QRICH2: variants seen among roughly 807,000 people sequenced by gnomAD.
QRICH2 encodes glutamine rich 2.
Under a neutral mutation model 168.3 loss-of-function variants are expected in QRICH2, and 119 were observed. That is an observed-to-expected ratio of 0.71 (90% confidence interval 0.61 to 0.82). The LOEUF is 0.82. Ranked by LOEUF, QRICH2 falls within the 40% of genes least tolerant of loss-of-function variation. The pLI is 0.00. For missense variants in QRICH2, 2,241 were observed against 2,491.6 expected (o/e 0.90, Z 2.14); for synonymous variants, 894 against 951.2 (o/e 0.94, Z 1.11).
Position 76,280,715 on chromosome 17 carries a change from C to G in QRICH2, c.4400G>C (p.Gly1467Ala), listed in dbSNP as rs1233527354. 1.2e-6 allele frequency: 2 copies of G among 1,614,054 alleles called. No homozygotes were observed. The highest frequency in any genetic ancestry group is 1.7e-6 in the Non-Finnish European group (2 of 1,180,036). Residue 1467 changes from glycine (G) to alanine (A), a missense_variant, in exon 10 of 19, where the codon GGT (glycine) becomes GCT (alanine). Around this residue, in one of 3 missense-constraint regions of QRICH2, gnomAD observed 2,047 missense variants for 2,303.8 expected, o/e 0.89. Coordinates refer to ENST00000680821, the MANE Select transcript of QRICH2 (RefSeq NM_001388453.1). The surrounding 1 kb of genome is among the most constrained non-coding windows in gnomAD (Gnocchi z 7.4). ...KQKDIAMLYQ[G>A]LEKLEKEKAN... ...CTTTTCCTTTTCGAGCTTCTCCAGA[C>G]CCTGGTACAGCATCTGGGGAGGCCA...
rs202230652 is a variant in QRICH2, at chr17:76,291,177, G to A, written c.3550C>T (p.Arg1184Cys). ...GTGGGGAAACTAGAACTCATTCTACGCAGTGAATTGCGTCGCTCACTCAGG... is the reference window on the plus strand; with the variant it reads ...GTGGGGAAACTAGAACTCATTCTACACAGTGAATTGCGTCGCTCACTCAGG... ...EVLSERRNSL[R>C]RMSSSFPTAV... The change falls in exon 4 of 19, where the codon CGT becomes TGT. Residue 1184 changes from arginine (R) to cysteine (C), a missense_variant. Arg to Cys is a radical substitution (Grantham distance 180). This residue lies in a region of QRICH2 where 2,047 missense variants were observed against 2,303.8 expected (regional missense o/e 0.89). Transcript: ENST00000680821. 3.1e-6 allele frequency: 5 copies of A among 1,614,008 alleles called. No individual in the cohort carries two copies. Among genetic ancestry groups the A allele is most frequent in the Admixed American group, 3.3e-5 (2 of 59,998 alleles).
rs1431013052 is a variant in QRICH2 at position 76,274,316 on chromosome 17, C to T, written c.5483-56G>A. The T allele has an allele frequency of 3.5e-5, 53 of 1,529,110 alleles. No individual in the cohort carries two copies. In the Admixed American group the frequency reaches 1.2e-3, roughly 34 times the overall value. The allele number at this position is 1,529,110 out of a possible 1,614,324, so 94.7% of individuals were successfully genotyped here. A position where few individuals can be genotyped will look rare whatever the true frequency, so the allele number is the denominator to read the frequency against. On this transcript the variant is annotated intron_variant, in intron 18 of 18. Transcript: ENST00000680821. ...CACATTCCCCAAGCCCACCAGGGGT[C>T]ACCCCAGCCTGCCCAATGCCCAGGG...
At chr17:76,306,743 C>T (rs1238973202) in intron 1 of QRICH2, among the ~76,000 whole-genome samples, 1 of 152,080 alleles carries the variant, frequency 6.6e-6, no homozygotes, top group Non-Finnish European at 1.5e-5. Flanking sequence ...AAATATTAGC[C>T]AGGCGGGGTG....
chr17:76,308,000 G>T lies in QRICH2; in HGVS notation c.-2C>A. ...GGAGACCGTGGTCGCGGGCGGCATC[G>T]TGGCTGTCAGGAGCTGTGCGCCGCC... is the stretch of plus-strand genomic sequence containing the variant. On this transcript the variant is annotated 5_prime_UTR_variant, in exon 1 of 19. Coordinates refer to ENST00000680821, the MANE Select transcript of QRICH2 (RefSeq NM_001388453.1). The surrounding 1 kb of genome is among the most constrained non-coding windows in gnomAD (Gnocchi z 5.3). The T allele has an allele frequency of 8.1e-7, 1 of 1,233,196 alleles. No homozygotes were observed. The highest frequency in any genetic ancestry group is 1.0e-6 in the Non-Finnish European group (1 of 988,504). The allele number at this position is 1,233,196 out of a possible 1,614,324, so 76.4% of individuals were successfully genotyped here.
At chr17:76,279,896 T>C in intron 12 of QRICH2, 137 bp downstream of exon 12, 1 of 1,049,392 alleles carries the variant, frequency 9.5e-7, no homozygotes, top group Non-Finnish European at 1.3e-6. Flanking sequence ...TAAAATTCTG[T>C]CCCTCCAACC....
At chr17:76,283,010 G>C (rs1398849307) in intron 7 of QRICH2, among the ~76,000 whole-genome samples, 4 of 152,198 alleles carry the variant, frequency 2.6e-5, no homozygotes, top group African/African-American at 9.7e-5. Context: ...GATGCAGAGG[G>C]ACAGGTGGGG....
Position 76,278,193 on chromosome 17 carries a change from C to T in QRICH2, c.4917-4G>A. On this transcript the variant is annotated splice_polypyrimidine_tract_variant and splice_region_variant and intron_variant, in intron 14 of 18. Coordinates refer to ENST00000680821, the MANE Select transcript of QRICH2 (RefSeq NM_001388453.1). ...GAAGGCGCTGCCCAGCTTGAGGCTG[C>T]AGGGTGTGAGCAGAACAGAGGGAGG... The T allele has an allele frequency of 6.2e-7, 1 of 1,603,722 alleles. No individual in the cohort carries two copies. The highest frequency in any genetic ancestry group is 1.1e-5 in the South Asian group (1 of 91,042).
In QRICH2 at chr17:76,292,859, G is replaced by A; in HGVS notation, c.1868C>T (p.Pro623Leu). 2 of 1,603,320 alleles carry A rather than the reference G, an allele frequency of 1.2e-6. No individual in the cohort carries two copies. The highest frequency in any genetic ancestry group is 2.2e-5 in the South Asian group (2 of 90,986). ...PGADQRGLVW[P>L]GMDQSGLAQP... ...GGCCAAACCAGACTGATCCATTCCA[G>A]GCCAGACCAAACCACGCTGATCTGC... Residue 623 changes from proline to leucine, a missense_variant, in exon 4 of 19, where the codon CCT becomes CTT. This residue lies in a region of QRICH2 where 2,047 missense variants were observed against 2,303.8 expected (regional missense o/e 0.89). Transcript: ENST00000680821.
rs763648468 is a variant in QRICH2, at chr17:76,291,386, C to T, written c.3341G>A (p.Arg1114His). 6 of 1,614,032 alleles carry T rather than the reference C, an allele frequency of 3.7e-6. No individual in the cohort carries two copies. The highest frequency in any genetic ancestry group is 1.1e-5 in the South Asian group (1 of 91,074). ...DSHDSMYPGY[R>H]GPGYLSADQH... Reference sequence around the variant, plus strand: ...ATCAGCACTTAGATACCCTGGGCCACGATAACCAGGATACATTGAATCATG... The same window carrying T: ...ATCAGCACTTAGATACCCTGGGCCATGATAACCAGGATACATTGAATCATG... The change falls in exon 4 of 19, where the codon CGT becomes CAT. Residue 1114 changes from arginine (R) to histidine (H), a missense_variant. Coordinates refer to ENST00000680821, the MANE Select transcript of QRICH2 (RefSeq NM_001388453.1).
chr17:76,307,669 C>T lies in QRICH2; in HGVS notation c.330G>A (p.Val110=), dbSNP rs2071012252. ...ESQVKDLGGQ[V]EDLSKQLKRV... is the part of the protein sequence containing the mutation. ...GCTTGAGCTGCTTGCTCAGGTCCTC[C>T]ACCTGGCCGCCCAGGTCCTTCACTT... is the stretch of plus-strand genomic sequence containing the variant. Residue 110 remains valine, a synonymous_variant, in exon 1 of 19, where the codon GTG becomes GTA. Coordinates refer to ENST00000680821, the MANE Select transcript of QRICH2 (RefSeq NM_001388453.1). The surrounding 1 kb of genome is among the most constrained non-coding windows in gnomAD (Gnocchi z 5.3). 1 of 1,462,690 alleles carries T rather than the reference C, an allele frequency of 6.8e-7. No homozygotes were observed. The highest frequency in any genetic ancestry group is 1.4e-5 in the African/African-American group (1 of 70,846). 90.6% of individuals were successfully genotyped at this position (1,462,690 alleles called of 1,614,324 possible). A position where few individuals can be genotyped will look rare whatever the true frequency, so the allele number is the denominator to read the frequency against.
rs1261803526 is a variant in QRICH2 at position 76,292,935 on chromosome 17, G to A, written c.1792C>T (p.Arg598Cys). The change falls in exon 4 of 19, where the codon CGT becomes TGT. Residue 598 changes from arginine to cysteine, a missense_variant. Around this residue, in one of 3 missense-constraint regions of QRICH2, gnomAD observed 2,047 missense variants for 2,303.8 expected, o/e 0.89. Transcript: ENST00000680821. ...PGLVQPGADQ[R>C]GLVRPGMDQS... ...TCCATTCCAGGCCGGACCAAACCAC[G>A]CTGATCTGCACCAGGTTGGACCAAG... 5.0e-6 allele frequency: 8 copies of A among 1,599,950 alleles called. No individual in the cohort carries two copies. Among genetic ancestry groups the A allele is most frequent in the Non-Finnish European group, 4.3e-6 (5 of 1,175,728 alleles).
At chr17:76,298,415 G>T (rs986902991) in intron 3 of QRICH2, among the ~76,000 whole-genome samples, 1 of 151,326 alleles carries the variant, frequency 6.6e-6, no homozygotes, top group Admixed American at 6.6e-5. Flanking sequence ...TCCTGACCTG[G>T]TGATCCGCCC....
In QRICH2 at chr17:76,294,029, G is replaced by A. The variant is rs759944637; in HGVS notation, c.706-8C>T. The A allele has an allele frequency of 3.5e-5, 55 of 1,584,782 alleles. 4 individuals are homozygous for A. The South Asian group carries it at 5.8e-4, about 17-fold the overall frequency. On this transcript the variant is annotated splice_polypyrimidine_tract_variant and splice_region_variant and intron_variant, in intron 3 of 18. Coordinates refer to ENST00000680821, the MANE Select transcript of QRICH2 (RefSeq NM_001388453.1). ...CATAAGTGTTTCTGAGCCCTGGTTGGAGAGGAAGAAGGAAATCAATAACAG... is the reference window on the plus strand; with the variant it reads ...CATAAGTGTTTCTGAGCCCTGGTTGAAGAGGAAGAAGGAAATCAATAACAG...
At chr17:76,308,471 T>G, upstream of QRICH2, 1 of 985,334 alleles carries the variant, frequency 1.0e-6, no homozygotes, top group Non-Finnish European at 1.2e-6. Context: ...ATTCACTCAC[T>G]CTTGGCGGGG....
intron 3 of QRICH2, among the ~76,000 whole-genome samples, chr17:76,296,461 G>A (rs1351474839): frequency 6.6e-6 from 1 of 152,100 alleles, no homozygotes; most frequent in African/African-American, 2.4e-5. Flanking sequence ...GGGAGATTCA[G>A]GCAACTGAAG....
intron 7 of QRICH2, 108 bp downstream of exon 7, chr17:76,287,084 A>ACACACACACACACACACACACACC: frequency 3.0e-6 from 1 of 335,098 alleles, no homozygotes; most frequent in African/African-American, 9.8e-5. Flanking sequence ...ACACACACAC[A>ACACACACACACACACACACACACC]CACATGATGG....
intron 5 of QRICH2, 108 bp from the exon 6 acceptor site, chr17:76,288,005 A>C: frequency 1.2e-6 from 1 of 804,742 alleles, no homozygotes; most frequent in Non-Finnish European, 2.1e-6. Flanking sequence ...CTACTAACCC[A>C]ACCCCCTCCG....
rs937689351 is a variant in QRICH2 at position 76,281,473 on chromosome 17, G to A, written c.4263+391C>T. On this transcript the variant is annotated intron_variant, in intron 8 of 18. Transcript: ENST00000680821. The surrounding 1 kb of genome is among the most constrained non-coding windows in gnomAD (Gnocchi z 4.4). ...GGACCCAGGATTTGTGGCTGTGCCC[G>A]CCCCCACCAGCAAGCCTGCCCTTTC... 1.3e-5 allele frequency among the ~76,000 whole-genome samples: 2 copies of A among 152,136 alleles called. No homozygotes were observed. The highest frequency in any genetic ancestry group is 6.5e-5 in the Admixed American group (1 of 15,280).
At position 76,281,989 on chromosome 17, in the gene QRICH2, G is replaced by C; in HGVS notation, c.4138C>G (p.Pro1380Ala). 1 of 1,613,658 alleles carries C rather than the reference G, an allele frequency of 6.2e-7. No individual in the cohort carries two copies. The highest frequency in any genetic ancestry group is 8.5e-7 in the Non-Finnish European group (1 of 1,179,884). Reference sequence around the variant, plus strand: ...TGGCTCACATCCAGGCTGCAGGCTGGACAGGTGGCCTCAGGGTCGATCTGG... The same window carrying C: ...TGGCTCACATCCAGGCTGCAGGCTGCACAGGTGGCCTCAGGGTCGATCTGG... The part of the protein sequence containing the change: ...PGQIDPEATC[P>A]ACSLDVSHQV... Residue 1380 changes from proline to alanine, a missense_variant, in exon 8 of 19, where the codon CCA becomes GCA. Pro to Ala is a conservative substitution (Grantham distance 27). This residue lies in a region of QRICH2 where 2,047 missense variants were observed against 2,303.8 expected (regional missense o/e 0.89). Transcript: ENST00000680821. The surrounding 1 kb of genome is among the most constrained non-coding windows in gnomAD (Gnocchi z 4.4).
Sources: gnomAD v4.1 joint callset for allele counts (sites outside exome capture counted in the v4.1 genomes callset) on GRCh38, gnomAD v4.1.1 for gene constraint, gnomAD v4.1.1 regional missense constraint, Gnocchi (gnomAD v3.1) non-coding constraint, MANE v1.5 for transcripts, NCBI Gene and HGNC (gene_info 2026-07-23, HGNC 2026-07-21) for gene names.